The following MCF2 variants were observed in gnomAD, a reference collection of about 807,000 sequenced individuals.
MCF2 encodes proto-oncogene DBL.
In MCF2, 44 loss-of-function variants were observed where a neutral mutation model predicts 82.5. The ratio of observed to expected loss-of-function variants is 0.53; its 90% CI spans 0.42 to 0.69. The LOEUF is 0.69. MCF2 is among the 30% of genes least tolerant of loss of function. The pLI, the probability that MCF2 is intolerant of heterozygous loss-of-function variation, is 0.00. For missense variants in MCF2, 623 were observed against 663.1 expected (o/e 0.94, Z 0.66); for synonymous variants, 217 against 224.9 (o/e 0.96, Z 0.32).
chrX:139,594,748 C>T (rs1929893344), intron 19 of MCF2, among the ~76,000 whole-genome samples: 1 of 109,025 alleles, frequency 9.2e-6, no homozygotes, highest in African/African-American at 3.3e-5. Context: ...AACTAAAGAG[C>T]TTCTGCACAG....
At chrX:139,684,383 G>A (rs1935073073) in intron 1 of MCF2, among the ~76,000 whole-genome samples, 1 of 112,141 alleles carries the variant, frequency 8.9e-6, no homozygotes, top group East Asian at 2.8e-4. Context: ...TGGTGGGAAT[G>A]TAAAAGGGTG....
intron 1 of MCF2, among the ~76,000 whole-genome samples, chrX:139,683,857 A>G (rs1387866294): frequency 8.9e-6 from 1 of 112,440 alleles, no homozygotes; most frequent in Non-Finnish European, 1.9e-5. Flanking sequence ...TAAGTATAAG[A>G]AGTAAAACTA....
chrX:139,587,564 G>A, intron 22 of MCF2, 152 bp downstream of exon 26: 1 of 441,590 alleles, frequency 2.3e-6, no homozygotes, highest in South Asian at 3.8e-5. Context: ...GTATAAGGCT[G>A]GACCTCAGAA....
chrX:139,604,922 A>G, exon 14 of MCF2: 1 of 1,203,729 alleles, frequency 8.3e-7, no homozygotes, highest in Admixed American at 2.2e-5. Context: ...TGTCCTTTTT[A>G]TTTCTCAGGA....
chrX:139,630,413 G>A (rs1932884750), intron 3 of MCF2, among the ~76,000 whole-genome samples: 1 of 111,672 alleles, frequency 9.0e-6, no homozygotes, highest in African/African-American at 3.3e-5. Flanking sequence ...CCATAAAATG[G>A]TAAGTACGGT....
intron 1 of MCF2, among the ~76,000 whole-genome samples, chrX:139,656,922 C>T (rs887497521): frequency 1.8e-5 from 2 of 112,012 alleles, no homozygotes; most frequent in Non-Finnish European, 3.8e-5. Flanking sequence ...ACTAGATTTA[C>T]GTTTGATAGG....
intron 1 of MCF2, among the ~76,000 whole-genome samples, chrX:139,706,097 C>T (rs997629139): frequency 2.7e-5 from 3 of 112,504 alleles, no homozygotes; most frequent in African/African-American, 9.7e-5. Context: ...CAGAGAAAAG[C>T]AAACACTTAT....
At chrX:139,629,874 T>C in intron 3 of MCF2, 30 bp from the exon 7 acceptor site, 1 of 1,180,134 alleles carries the variant, frequency 8.5e-7, no homozygotes, top group East Asian at 3.0e-5. Context: ...ACTTTAATTA[T>C]ATGGTCACTC....
At chrX:139,581,775 T>C (rs769625628) in exon 25 of MCF2, 4 of 111,849 alleles carry the variant, frequency 3.6e-5, no homozygotes, top group Middle Eastern at 9.2e-3. Context: ...TTATCTAACC[T>C]GAAGAATTAA....
At chrX:139,666,371 A>C (rs1397361224) in intron 1 of MCF2, among the ~76,000 whole-genome samples, 1 of 110,806 alleles carries the variant, frequency 9.0e-6, no homozygotes, top group African/African-American at 3.3e-5. Flanking sequence ...GACTCCCTTG[A>C]GCATTTCTTT....
chrX:139,704,572 C>T (rs1169882981), intron 1 of MCF2, among the ~76,000 whole-genome samples: 1 of 111,460 alleles, frequency 9.0e-6, no homozygotes, highest in East Asian at 2.8e-4. Context: ...CAAAACACCA[C>T]CAGTTCCCCA....
chrX:139,626,572 C>T, intron 5 of MCF2, 51 bp downstream of exon 8: 1 of 1,116,445 alleles, frequency 9.0e-7, no homozygotes, highest in Non-Finnish European at 1.2e-6. Flanking sequence ...TGTATAATTT[C>T]CTTTCAAAAA....
chrX:139,623,316 T>C (rs1181188852), intron 6 of MCF2, among the ~76,000 whole-genome samples: 2 of 111,685 alleles, frequency 1.8e-5, no homozygotes, highest in Non-Finnish European at 3.8e-5. Context: ...AGCAAAGACT[T>C]GGAATCAACC....
At chrX:139,633,121 C>G (rs1031949420) in intron 1 of MCF2, among the ~76,000 whole-genome samples, 3 of 111,187 alleles carry the variant, frequency 2.7e-5, no homozygotes, top group Non-Finnish European at 5.7e-5. Flanking sequence ...ACAAACTCTC[C>G]GAGACATAGG....
At chrX:139,605,823 A>C in intron 12 of MCF2, 44 bp from the exon 17 acceptor site, 3 of 959,260 alleles carry the variant, frequency 3.1e-6, no homozygotes, top group Non-Finnish European at 4.4e-6. Context: ...TATTACTGAG[A>C]TCTATATTGC....
At chrX:139,598,202 T>C (rs915081552) in intron 17 of MCF2, among the ~76,000 whole-genome samples, 2 of 112,255 alleles carry the variant, frequency 1.8e-5, no homozygotes, top group African/African-American at 6.4e-5. Flanking sequence ...AGATCCCAGA[T>C]ATTCTCAGCC....
intron 1 of MCF2, among the ~76,000 whole-genome samples, chrX:139,677,017 A>G (rs1467222111): frequency 8.9e-6 from 1 of 111,896 alleles, no homozygotes; most frequent in Middle Eastern, 4.2e-3. Context: ...GAAACTGGTG[A>G]TCAGCAGCTC....
At chrX:139,624,280 C>T (rs1229338194) in intron 6 of MCF2, among the ~76,000 whole-genome samples, 2 of 111,135 alleles carry the variant, frequency 1.8e-5, no homozygotes, top group African/African-American at 6.5e-5. Context: ...ATAGCTCATG[C>T]CTGGAATCCC....
intron 1 of MCF2, among the ~76,000 whole-genome samples, chrX:139,675,812 T>G (rs1449547615): frequency 8.9e-6 from 1 of 112,451 alleles, no homozygotes; most frequent in Admixed American, 9.3e-5. Context: ...CCGTCTGTTC[T>G]CCGAGCTCAA....
Sources: allele counts gnomAD v4.1 joint callset (sites outside exome capture counted in the v4.1 genomes callset), GRCh38; gene constraint gnomAD v4.1.1; transcripts MANE v1.5; gene names NCBI Gene and HGNC (gene_info 2026-07-23, HGNC 2026-07-21).